Variants in MRPS28 observed in about 807,000 individuals in gnomAD.
The protein encoded by MRPS28 is mitochondrial ribosomal protein S28.
MRPS28 carries 7 observed loss-of-function variants against 10.8 expected under a neutral mutation model. That is an observed-to-expected ratio of 0.65 (90% CI 0.37 to 1.22). The LOEUF is 1.22. Among genes scored for constraint, MRPS28 ranks in the 50% most tolerant of loss-of-function variants. MRPS28 has a pLI of 0.02. For missense variants in MRPS28, 265 were observed against 232.9 expected, an observed-to-expected ratio of 1.14 and a Z score of -0.90; for synonymous variants, 121 against 93.3, an observed-to-expected ratio of 1.30 and a Z score of -1.71.
chr8:80,019,260 G>A (rs1454949569), intron 1 of MRPS28, among the ~76,000 whole-genome samples: 1 of 149,758 alleles, frequency 6.7e-6, no homozygotes, highest in Non-Finnish European at 1.5e-5. Context: ...TTACTATGAT[G>A]TGATTATTAC....
chr8:80,007,675 G>A (rs1808894752), intron 1 of MRPS28, among the ~76,000 whole-genome samples: 1 of 152,090 alleles, frequency 6.6e-6, no homozygotes, highest in African/African-American at 2.4e-5. Context: ...ATTCACAATT[G>A]CTTCAAAGAG....
Position 80,030,170 on chromosome 8 carries a change from G to C in MRPS28, c.79C>G (p.Arg27Gly), listed in dbSNP as rs1391525747. ...LRVFLFFRPFRGVGTESGSES... is the reference protein window; with the variant it reads ...LRVFLFFRPFGGVGTESGSES... The stretch of plus-strand genomic sequence containing the variant: ...GATCCACTCTCAGTGCCTACACCCC[G>C]AAAGGGCCTGAAGAAGAGAAACACT... Residue 27 changes from arginine (R) to glycine (G), a missense_variant, in exon 1 of 3, where the codon CGG becomes GGG. Transcript: ENST00000276585. 2 of 1,613,840 alleles carry C rather than the reference G, an allele frequency of 1.2e-6. No individual in the cohort carries two copies. The highest frequency in any genetic ancestry group is 3.3e-5 in the Admixed American group (2 of 60,006).
chr8:79,944,612 T>C (rs1806853278), intron 2 of MRPS28, among the ~76,000 whole-genome samples: 1 of 152,080 alleles, frequency 6.6e-6, no homozygotes, highest in African/African-American at 2.4e-5. Context: ...ATAGCCACAC[T>C]GGCTTAGGTC....
At chr8:79,943,403 T>C (rs533003366) in intron 2 of MRPS28, among the ~76,000 whole-genome samples, 1 of 152,354 alleles carries the variant, frequency 6.6e-6, no homozygotes, top group Non-Finnish European at 1.5e-5. Context: ...ACTTTTAGTT[T>C]TAGATTCCTC....
At chr8:79,933,590 G>C (rs1183005067) in intron 2 of MRPS28, among the ~76,000 whole-genome samples, 1 of 152,182 alleles carries the variant, frequency 6.6e-6, no homozygotes, top group African/African-American at 2.4e-5. Flanking sequence ...GTGCCAAGGA[G>C]ATGCTCAGGA....
At chr8:80,012,082 T>G (rs2130198468) in intron 1 of MRPS28, among the ~76,000 whole-genome samples, 1 of 151,834 alleles carries the variant, frequency 6.6e-6, no homozygotes, top group African/African-American at 2.4e-5. Context: ...TAGTTACTTT[T>G]TATAGGTAAC....
chr8:80,016,648 G>A (rs151035808), intron 1 of MRPS28, among the ~76,000 whole-genome samples: 1 of 152,044 alleles, frequency 6.6e-6, no homozygotes, highest in Non-Finnish European at 1.5e-5. Flanking sequence ...ATATGTGAAG[G>A]TAAAATTAAA....
intron 2 of MRPS28, among the ~76,000 whole-genome samples, chr8:79,932,873 C>T (rs893408008): frequency 1.3e-5 from 2 of 152,178 alleles, no homozygotes; most frequent in Admixed American, 6.5e-5. Context: ...TGCTATACTG[C>T]CCGCATTCTT....
chr8:80,011,407 ATT>A (rs11424455), intron 1 of MRPS28, among the ~76,000 whole-genome samples: 1 of 146,764 alleles, frequency 6.8e-6, no homozygotes, highest in Non-Finnish European at 1.5e-5. Flanking sequence ...CGCTTTGGCT[ATT>A]TTTTTTTTTC....
chr8:79,954,086 T>C (rs1165964440), intron 2 of MRPS28, among the ~76,000 whole-genome samples: 1 of 152,034 alleles, frequency 6.6e-6, no homozygotes, highest in East Asian at 1.9e-4. Context: ...ATATAACTAC[T>C]ATATCCCTGA....
intron 2 of MRPS28, among the ~76,000 whole-genome samples, chr8:79,987,401 G>T (rs1287594999): frequency 1.3e-5 from 2 of 152,166 alleles, no homozygotes; most frequent in Non-Finnish European, 2.9e-5. Flanking sequence ...AAAAGCAATG[G>T]CAACAAAAGC....
At chr8:79,971,314 T>A (rs1420874407) in intron 2 of MRPS28, among the ~76,000 whole-genome samples, 1 of 152,236 alleles carries the variant, frequency 6.6e-6, no homozygotes, top group African/African-American at 2.4e-5. Flanking sequence ...TATCAAGCTA[T>A]CTTTCTTACA....
At chr8:79,932,995 A>C (rs1270747240) in intron 2 of MRPS28, among the ~76,000 whole-genome samples, 1 of 152,214 alleles carries the variant, frequency 6.6e-6, no homozygotes, top group Non-Finnish European at 1.5e-5. Flanking sequence ...GCAGGATTGT[A>C]TTCTTATGAA....
chr8:79,923,408 G>GTAAATAT (rs1271119182), intron 2 of MRPS28, among the ~76,000 whole-genome samples: 2 of 152,026 alleles, frequency 1.3e-5, no homozygotes, highest in Non-Finnish European at 2.9e-5. Context: ...TCTTTCCTAT[G>GTAAATAT]AAGTAAAATA....
At chr8:79,973,039 G>A (rs1209051803) in intron 2 of MRPS28, among the ~76,000 whole-genome samples, 3 of 152,160 alleles carry the variant, frequency 2.0e-5, no homozygotes, top group African/African-American at 7.2e-5. Flanking sequence ...GTATTCAACA[G>A]GGCAAAGTAA....
intron 2 of MRPS28, among the ~76,000 whole-genome samples, chr8:79,932,930 A>T (rs1806502239): frequency 6.6e-6 from 1 of 152,164 alleles, no homozygotes; most frequent in Non-Finnish European, 1.5e-5. Flanking sequence ...ACTCCTTCCT[A>T]TCAGAATTGA....
At chr8:79,944,291 T>C (rs1806843565) in intron 2 of MRPS28, among the ~76,000 whole-genome samples, 1 of 152,236 alleles carries the variant, frequency 6.6e-6, no homozygotes, top group Non-Finnish European at 1.5e-5. Context: ...GGAAGACTGT[T>C]TGCCTATTGC....
At chr8:79,955,261 C>T (rs186595385) in intron 2 of MRPS28, among the ~76,000 whole-genome samples, 256 of 152,246 alleles carry the variant, frequency 1.7e-3, no homozygotes, top group African/African-American at 5.3e-3. Flanking sequence ...AGAAAATAAA[C>T]TTATTGCTGA....
intron 2 of MRPS28, among the ~76,000 whole-genome samples, chr8:79,924,972 T>C (rs985720419): frequency 6.6e-6 from 1 of 152,212 alleles, no homozygotes; most frequent in Non-Finnish European, 1.5e-5. Flanking sequence ...TGTGTTTTAG[T>C]ATTGCTATGT....
Sources: allele counts gnomAD v4.1 joint callset (sites outside exome capture counted in the v4.1 genomes callset), GRCh38; gene constraint gnomAD v4.1.1; transcripts MANE v1.5; gene names NCBI Gene and HGNC (gene_info 2026-07-23, HGNC 2026-07-21).